Variants in KIAA1549 observed in about 807,000 individuals in gnomAD.
The protein encoded by KIAA1549 is UPF0606 protein KIAA1549.
KIAA1549 carries 70 observed loss-of-function variants against 156.4 expected under a neutral mutation model. The ratio of observed to expected loss-of-function variants is 0.45; its 90% confidence interval spans 0.37 to 0.55. The LOEUF (loss-of-function observed/expected upper bound fraction) is 0.55, where lower values mean the gene tolerates loss of function less well. Among genes scored for constraint, KIAA1549 ranks in the 20% least tolerant of loss-of-function variants. The pLI is 0.00. For missense variants in KIAA1549, 2,428 were observed against 2,540.9 expected (o/e 0.96, Z 0.96); for synonymous variants, 1,103 against 1,066.4 (o/e 1.03, Z -0.67).
chr7:138,880,773 A>G (rs572962363), intron 11 of KIAA1549, among the ~76,000 whole-genome samples: 1 of 152,306 alleles, frequency 6.6e-6, no homozygotes, highest in Admixed American at 6.5e-5. Flanking sequence ...AGCCTGGAAA[A>G]CTAATAGGCA....
intron 9 of KIAA1549, among the ~76,000 whole-genome samples, 176 bp downstream of exon 9, chr7:138,898,779 A>T (rs1206644514): frequency 3.3e-5 from 5 of 152,244 alleles, no homozygotes; most frequent in Non-Finnish European, 5.9e-5. Context: ...CTAAACCTAC[A>T]AGCAATTGAA....
chr7:138,901,429 G>A (rs1372949702), intron 8 of KIAA1549, among the ~76,000 whole-genome samples: 2 of 151,322 alleles, frequency 1.3e-5, no homozygotes, highest in Admixed American at 1.3e-4. Flanking sequence ...GGGTTCAAGT[G>A]ATTCTCATGC....
intron 1 of KIAA1549, among the ~76,000 whole-genome samples, chr7:138,970,241 C>G (rs1334411050): frequency 6.6e-6 from 1 of 152,192 alleles, no homozygotes; most frequent in African/African-American, 2.4e-5. Context: ...AGCTTCGACA[C>G]CCTTTTGCTT....
At chr7:138,842,272 G>A (rs776713270) in intron 18 of KIAA1549, among the ~76,000 whole-genome samples, 6 of 152,162 alleles carry the variant, frequency 3.9e-5, no homozygotes, top group Non-Finnish European at 8.8e-5. Flanking sequence ...CCATGAGTCA[G>A]CATTGAGCCC....
At chr7:138,926,235 C>T (rs1812714145) in intron 1 of KIAA1549, among the ~76,000 whole-genome samples, 1 of 152,160 alleles carries the variant, frequency 6.6e-6, no homozygotes, top group African/African-American at 2.4e-5. Context: ...AGCAGTTGAT[C>T]ATTAAACCAC....
At chr7:138,946,353 A>G (rs1277633664) in intron 1 of KIAA1549, among the ~76,000 whole-genome samples, 2 of 152,228 alleles carry the variant, frequency 1.3e-5, no homozygotes, top group Non-Finnish European at 2.9e-5. Flanking sequence ...TATTTAGATA[A>G]GAAACACAGG....
At chr7:138,850,329 C>T (rs897160074) in intron 17 of KIAA1549, among the ~76,000 whole-genome samples, 6 of 152,158 alleles carry the variant, frequency 3.9e-5, no homozygotes, top group African/African-American at 1.4e-4. Context: ...AACAAGCATT[C>T]CCTTTGCTCC....
chr7:138,961,354 G>A (rs1813839723), intron 1 of KIAA1549, among the ~76,000 whole-genome samples: 1 of 152,196 alleles, frequency 6.6e-6, no homozygotes, highest in Non-Finnish European at 1.5e-5. Context: ...AGCATTGTGA[G>A]ACTGAGGCAA....
chr7:138,902,879 A>C (rs891151426), intron 8 of KIAA1549, among the ~76,000 whole-genome samples: 1 of 152,172 alleles, frequency 6.6e-6, no homozygotes, highest in Admixed American at 6.5e-5. Flanking sequence ...GTGTCATCCA[A>C]AGGTTAATAG....
chr7:138,925,135 G>A (rs112655198), intron 1 of KIAA1549, among the ~76,000 whole-genome samples: 3,409 of 152,212 alleles, frequency 0.022, 61 homozygotes, highest in Admixed American at 0.041. Flanking sequence ...ACTGCCCTGC[G>A]CTCCCACCAC....
intron 1 of KIAA1549, among the ~76,000 whole-genome samples, chr7:138,965,411 G>C (rs573005121): frequency 1.3e-5 from 2 of 152,138 alleles, no homozygotes; most frequent in Non-Finnish European, 2.9e-5. Flanking sequence ...GGCTGGTCTT[G>C]AACTCCTGGG....
rs1809548518 is a variant in KIAA1549 at position 138,832,078 on chromosome 7, T to C, written c.*5828A>G. Reference sequence around the variant, plus strand: ...TTATGAATACTTGAAATCTGGTAAGTACAGGAAAGACTATTCGTGATGCTC... The same window carrying C: ...TTATGAATACTTGAAATCTGGTAAGCACAGGAAAGACTATTCGTGATGCTC... On this transcript the variant is annotated 3_prime_UTR_variant, in exon 20 of 20. Coordinates refer to ENST00000422774, the MANE Select transcript of KIAA1549 (RefSeq NM_001164665.2). 2 of 231,252 alleles carry C rather than the reference T, an allele frequency of 8.6e-6. No individual in the cohort carries two copies. The highest frequency in any genetic ancestry group is 2.2e-5 in the African/African-American group (1 of 45,162). The allele number at this position is 231,252 out of a possible 1,614,324, so 14.3% of individuals were successfully genotyped here. A position where few individuals can be genotyped will look rare whatever the true frequency, so the allele number is the denominator to read the frequency against.
chr7:138,894,673 T>C (rs1230036941), intron 9 of KIAA1549, 147 bp from the exon 10 acceptor site: 2 of 704,624 alleles, frequency 2.8e-6, no homozygotes, highest in Non-Finnish European at 4.8e-6. Context: ...TGACAGGAAA[T>C]GTGACCAGCA....
intron 12 of KIAA1549, among the ~76,000 whole-genome samples, chr7:138,874,855 C>A (rs1490969663): frequency 3.3e-5 from 5 of 151,918 alleles, no homozygotes; most frequent in South Asian, 2.1e-4. Context: ...AATAACCCGG[C>A]GTGGTGGTGT....
At chr7:138,838,771 T>C (rs986460997) in intron 19 of KIAA1549, among the ~76,000 whole-genome samples, 3 of 152,196 alleles carry the variant, frequency 2.0e-5, no homozygotes, top group African/African-American at 7.2e-5. Context: ...GCTAAGTTAT[T>C]TGTGAGCCAA....
chr7:138,903,824 T>A (rs372033563), intron 7 of KIAA1549, 88 bp from the exon 8 acceptor site: 1 of 322,766 alleles, frequency 3.1e-6, no homozygotes, highest in South Asian at 4.2e-5. Context: ...TGTGTGTGTG[T>A]GTGTGTGTGT....
intron 16 of KIAA1549, among the ~76,000 whole-genome samples, chr7:138,856,201 T>A (rs1185062093): frequency 1.3e-5 from 2 of 151,382 alleles, no homozygotes; most frequent in Non-Finnish European, 2.9e-5. Flanking sequence ...CCAGCGAATT[T>A]TTTTTTTTTT....
At chr7:138,949,235 G>A (rs1044136732) in intron 1 of KIAA1549, among the ~76,000 whole-genome samples, 18 of 152,200 alleles carry the variant, frequency 1.2e-4, no homozygotes, top group Non-Finnish European at 2.5e-4. Flanking sequence ...TAACAAAGCA[G>A]TCATTACCCT....
chr7:138,873,596 C>G (rs1584720881), intron 12 of KIAA1549, among the ~76,000 whole-genome samples: 1 of 126,292 alleles, frequency 7.9e-6, no homozygotes, highest in Non-Finnish European at 1.6e-5. Flanking sequence ...AGGTGACAGG[C>G]ATTAAAAAAA....
Sources: gnomAD v4.1 joint callset for allele counts (sites outside exome capture counted in the v4.1 genomes callset) on GRCh38, gnomAD v4.1.1 for gene constraint, MANE v1.5 for transcripts, NCBI Gene and HGNC (gene_info 2026-07-23, HGNC 2026-07-21) for gene names.